Variants in TENM2 observed in about 807,000 individuals in gnomAD.
TENM2 encodes the protein teneurin transmembrane protein 2, also known as teneurin-2.
In TENM2, 52 loss-of-function variants were observed where a neutral mutation model predicts 245.2. The observed-to-expected ratio is 0.21, with a 90% CI of 0.17 to 0.27. TENM2 has a LOEUF of 0.27. TENM2 is among the 10% of genes least tolerant of loss of function. The pLI is 1.00. For synonymous variants in TENM2, 1,363 were observed against 1,438.9 expected (o/e 0.95, Z 1.19); for missense variants, 3,046 against 3,666.8 (o/e 0.83, Z 4.37).
At chr5:167,659,132 G>A (rs1755040283) in intron 2 of TENM2, among the ~76,000 whole-genome samples, 1 of 152,168 alleles carries the variant, frequency 6.6e-6, no homozygotes, top group Admixed American at 6.5e-5. Flanking sequence ...CAGCACAAGA[G>A]AGCCTGTTAT....
At chr5:168,001,363 A>C (rs983842017) in intron 5 of TENM2, among the ~76,000 whole-genome samples, 2 of 152,248 alleles carry the variant, frequency 1.3e-5, no homozygotes, top group African/African-American at 4.8e-5. Context: ...GCATAAGGCC[A>C]TCATTTGGCA....
intron 9 of TENM2, among the ~76,000 whole-genome samples, chr5:168,115,335 G>A (rs1009757120): frequency 6.1e-4 from 82 of 134,132 alleles, no homozygotes; most frequent in Admixed American, 1.6e-3. Flanking sequence ...GGAAGGAAGG[G>A]AAGGAAGGAA....
chr5:167,367,997 G>A (rs10045539), intron 1 of TENM2, among the ~76,000 whole-genome samples: 88,313 of 151,692 alleles, frequency 0.58, 26,708 homozygotes, highest in Middle Eastern at 0.77. Flanking sequence ...TAAAATGTAC[G>A]CTCTAACATT....
chr5:168,195,551 C>CGTGTATGTGT (rs1411966852), intron 15 of TENM2, among the ~76,000 whole-genome samples: 10 of 98,126 alleles, frequency 1.0e-4, no homozygotes, highest in Non-Finnish European at 1.7e-4. Context: ...GGTCAATGCA[C>CGTGTATGTGT]GTGTGTGTGT....
intron 5 of TENM2, among the ~76,000 whole-genome samples, chr5:168,032,740 C>T (rs1398568388): frequency 6.6e-6 from 1 of 152,136 alleles, no homozygotes; most frequent in African/African-American, 2.4e-5. Context: ...GGGAGAGCCT[C>T]CCTTCCAGCC....
At chr5:167,924,953 C>A (rs1777637758) in intron 3 of TENM2, among the ~76,000 whole-genome samples, 1 of 152,142 alleles carries the variant, frequency 6.6e-6, no homozygotes, top group African/African-American at 2.4e-5. Flanking sequence ...TAAACTGGTA[C>A]AACCATTTTG....
the TENM2 span, among the ~76,000 whole-genome samples, chr5:167,073,668 C>T: frequency 8.6e-4 from 131 of 152,222 alleles, no homozygotes; most frequent in African/African-American, 3.1e-3. Flanking sequence ...AATTTGGTCA[C>T]CACATTTTTC....
intron 2 of TENM2, among the ~76,000 whole-genome samples, chr5:167,796,629 T>A (rs527555278): frequency 1.3e-5 from 2 of 151,482 alleles, no homozygotes; most frequent in Non-Finnish European, 2.9e-5. Flanking sequence ...TGTGTGTGTG[T>A]GTGTGCGTGT....
intron 5 of TENM2, among the ~76,000 whole-genome samples, chr5:168,012,655 A>C (rs867623304): frequency 6.6e-6 from 1 of 151,178 alleles, no homozygotes; most frequent in South Asian, 2.1e-4. Context: ...CTCAAAAAAA[A>C]AAAAACAAAA....
chr5:168,249,715 T>G (rs1766927614), intron 27 of TENM2, among the ~76,000 whole-genome samples: 1 of 152,038 alleles, frequency 6.6e-6, no homozygotes, highest in Non-Finnish European at 1.5e-5. Flanking sequence ...ATGAATTAGC[T>G]GCGTGTGGTG....
intron 2 of TENM2, among the ~76,000 whole-genome samples, chr5:167,408,941 AATATATAT>A (rs57319231): frequency 6.8e-6 from 1 of 146,644 alleles, no homozygotes; most frequent in East Asian, 2.0e-4. Flanking sequence ...TCCCAAATCT[AATATATAT>A]ATATATATAT....
chr5:167,583,973 C>T (rs1775293200), intron 2 of TENM2, among the ~76,000 whole-genome samples: 1 of 152,186 alleles, frequency 6.6e-6, no homozygotes. Context: ...TTTTTCTCGA[C>T]TACTCCTCCT....
the TENM2 span, among the ~76,000 whole-genome samples, chr5:167,263,150 C>T: frequency 1.5e-4 from 23 of 148,900 alleles, no homozygotes; most frequent in African/African-American, 3.2e-4. Flanking sequence ...AGCAACTTCC[C>T]GGTAGCATTT....
chr5:167,947,170 G>A (rs1583453170), intron 3 of TENM2, among the ~76,000 whole-genome samples: 1 of 152,202 alleles, frequency 6.6e-6, no homozygotes, highest in South Asian at 2.1e-4. Flanking sequence ...CATTTCAAAG[G>A]ACTTGGAAAA....
intron 4 of TENM2, among the ~76,000 whole-genome samples, chr5:167,979,478 A>T (rs137862804): frequency 2.0e-3 from 302 of 152,294 alleles, no homozygotes; most frequent in Non-Finnish European, 3.6e-3. Flanking sequence ...GGTCCCAGTT[A>T]CAAACTGGGA....
At chr5:167,566,788 C>T (rs942765173) in intron 2 of TENM2, among the ~76,000 whole-genome samples, 16 of 152,162 alleles carry the variant, frequency 1.1e-4, no homozygotes, top group African/African-American at 3.4e-4. Context: ...CAACTCTATT[C>T]GGTCCACCAT....
intron 2 of TENM2, among the ~76,000 whole-genome samples, chr5:167,485,226 G>C (rs769781596): frequency 1.3e-5 from 2 of 152,158 alleles, no homozygotes; most frequent in African/African-American, 4.8e-5. Context: ...AGTGCTGGGA[G>C]AACTGAAGAC....
the TENM2 span, among the ~76,000 whole-genome samples, chr5:167,056,114 A>C: frequency 6.6e-6 from 1 of 152,002 alleles, no homozygotes; most frequent in South Asian, 2.1e-4. Flanking sequence ...TTTTTTTATT[A>C]TAATTGAGTG....
chr5:167,004,534 A>T, the TENM2 span, among the ~76,000 whole-genome samples: 4 of 152,196 alleles, frequency 2.6e-5, no homozygotes, highest in Non-Finnish European at 5.9e-5. Context: ...AGATAGTAAA[A>T]GGAATATTCT....
Sources: gnomAD v4.1 joint callset for allele counts (sites outside exome capture counted in the v4.1 genomes callset) on GRCh38, gnomAD v4.1.1 for gene constraint, MANE v1.5 for transcripts, NCBI Gene and HGNC (gene_info 2026-07-23, HGNC 2026-07-21) for gene names.